GLIS1: variants seen among roughly 807,000 people sequenced by gnomAD.
GLIS1 encodes the protein zinc finger protein GLIS1.
A neutral mutation model predicts 63.8 loss-of-function variants in GLIS1; 24 were observed. The observed-to-expected ratio is 0.38, with a 90% CI of 0.27 to 0.53. GLIS1 has a LOEUF of 0.53. Ranked by LOEUF, GLIS1 falls within the 20% of genes least tolerant of loss-of-function variation. The pLI is 0.85. For missense variants in GLIS1, 1,036 were observed against 1,074.1 expected (o/e 0.96, Z 0.50); for synonymous variants, 450 against 482.5 (o/e 0.93, Z 0.88).
chr1:53,655,473 G>A (rs907298606), intron 2 of GLIS1, among the ~76,000 whole-genome samples: 29 of 152,162 alleles, frequency 1.9e-4, no homozygotes, highest in African/African-American at 6.8e-4. Flanking sequence ...TTCCTCATTT[G>A]TAAAAACCAC....
chr1:53,509,815 G>C, intron 9 of GLIS1, 34 bp downstream of exon 9: 1 of 1,244,554 alleles, frequency 8.0e-7, no homozygotes, highest in Non-Finnish European at 1.0e-6. Context: ...GGAATTGGGG[G>C]GTTATACGGA....
chr1:53,564,894 A>C (rs1569837390), intron 4 of GLIS1, among the ~76,000 whole-genome samples: 2 of 152,024 alleles, frequency 1.3e-5, no homozygotes, highest in South Asian at 2.1e-4. Context: ...CTAACACATT[A>C]AACAAAGAAA....
In GLIS1 at chr1:53,526,967, T is replaced by C. The variant is rs1644476870; in HGVS notation, c.1483-2080A>G. On this transcript the variant is annotated intron_variant, in intron 5 of 10. Coordinates refer to ENST00000628545, the MANE Select transcript of GLIS1 (RefSeq NM_001367484.1). This position sits in a 1 kb window ranked among gnomAD's most constrained non-coding sequence, Gnocchi z 4.4. The stretch of plus-strand genomic sequence containing the variant: ...GTAATGAGGACGCTCCGGGTGAGTC[T>C]GCCGTGCGGAGCCCCTGCCCGTCTG... 6.6e-6 allele frequency among the ~76,000 whole-genome samples: 1 copy of C among 152,194 alleles called. No individual in the cohort carries two copies. Among genetic ancestry groups the C allele is most frequent in the African/African-American group, 2.4e-5 (1 of 41,454 alleles).
At chr1:53,527,039 G>A (rs1315683307) in intron 5 of GLIS1, among the ~76,000 whole-genome samples, 2 of 152,176 alleles carry the variant, frequency 1.3e-5, no homozygotes, top group African/African-American at 2.4e-5. Flanking sequence ...TGCAGGCCCC[G>A]TGCTGAGCAC....
chr1:53,527,842 G>A (rs1024794063), intron 5 of GLIS1, among the ~76,000 whole-genome samples: 1 of 152,180 alleles, frequency 6.6e-6, no homozygotes, highest in Non-Finnish European at 1.5e-5. Flanking sequence ...TTGGGGAGAC[G>A]AAGGCCTGAG....
At position 53,594,939 on chromosome 1, in the gene GLIS1, T is replaced by C; in HGVS notation, c.489A>G (p.Gln163=). 1 of 1,483,666 alleles carries C rather than the reference T, an allele frequency of 6.7e-7. No homozygotes were observed. Among genetic ancestry groups the C allele is most frequent in the Non-Finnish European group, 8.9e-7 (1 of 1,124,616 alleles). The allele number at this position is 1,483,666 out of a possible 1,614,324, so 91.9% of individuals were successfully genotyped here. A position where few individuals can be genotyped will look rare whatever the true frequency, so the allele number is the denominator to read the frequency against. ...CGGGCAAGGACTCCTGTTTGATGTG[T>C]TGTGTGGTTGGGAGGCTGCCGTTCA... ...TYVNGSLPTT[Q]HIKQESLPDY... is the part of the protein sequence containing the mutation. Residue 163 remains glutamine (Q), a synonymous_variant, in exon 4 of 11, where the codon CAA becomes CAG. Coordinates refer to ENST00000628545, the MANE Select transcript of GLIS1 (RefSeq NM_001367484.1).
chr1:53,555,066 C>T (rs973993928), intron 4 of GLIS1, among the ~76,000 whole-genome samples: 1 of 152,192 alleles, frequency 6.6e-6, no homozygotes, highest in Non-Finnish European at 1.5e-5. Context: ...TGGCATGTTT[C>T]AGAAAGAACC....
At chr1:53,670,937 T>C (rs1020774805) in intron 2 of GLIS1, among the ~76,000 whole-genome samples, 2 of 152,244 alleles carry the variant, frequency 1.3e-5, no homozygotes, top group African/African-American at 4.8e-5. Context: ...TGTGTAATTA[T>C]ATCAGGGTGT....
At chr1:53,634,571 G>A (rs1202030665) in intron 2 of GLIS1, among the ~76,000 whole-genome samples, 1 of 152,156 alleles carries the variant, frequency 6.6e-6, no homozygotes, top group African/African-American at 2.4e-5. Flanking sequence ...AGCGAGGAGG[G>A]CCTCACTAGA....
At chr1:53,739,017 C>T (rs1416432995) in intron 1 of GLIS1, among the ~76,000 whole-genome samples, 88 bp downstream of exon 1, 1 of 152,086 alleles carries the variant, frequency 6.6e-6, no homozygotes, top group African/African-American at 2.4e-5. Flanking sequence ...CCCAAGCTGC[C>T]GGGGTTCGAG....
rs116917159 is a variant in GLIS1, at chr1:53,649,601, T to A, written c.260-49323A>T. 2.4e-4 allele frequency among the ~76,000 whole-genome samples: 36 copies of A among 152,344 alleles called. No homozygotes were observed. The East Asian group carries it at 6.9e-3, about 29-fold the overall frequency. ...GCTCCCAAGAAGCAGAGAAAAGTCA[T>A]GACATGACAAGAAAAAGCTGACTTG... On this transcript the variant is annotated intron_variant, in intron 2 of 10. Coordinates refer to ENST00000628545, the MANE Select transcript of GLIS1 (RefSeq NM_001367484.1).
chr1:53,595,425 T>C (rs2950253), intron 3 of GLIS1, among the ~76,000 whole-genome samples: 13,946 of 151,932 alleles, frequency 0.092, 1,503 homozygotes, highest in East Asian at 0.39. Context: ...GAGGCTGAGG[T>C]AGGAGGATTG....
At chr1:53,525,475 C>CTGGGGAGGT in intron 5 of GLIS1, among the ~76,000 whole-genome samples, 1 of 126,134 alleles carries the variant, frequency 7.9e-6, no homozygotes, top group Non-Finnish European at 1.7e-5. Context: ...GCTGGGGAGG[C>CTGGGGAGGT]TGGGGAGTCT....
intron 4 of GLIS1, among the ~76,000 whole-genome samples, chr1:53,570,443 T>C (rs1384916729): frequency 6.6e-6 from 1 of 152,068 alleles, no homozygotes; most frequent in African/African-American, 2.4e-5. Flanking sequence ...TTAAAGTTGA[T>C]TCCAAAATAC....
rs558635397 is a variant in GLIS1 at position 53,515,530 on chromosome 1, C to T, written c.1727-749G>A. The stretch of plus-strand genomic sequence containing the variant: ...CCTCATTCTAGTCTCAGATTCTAAA[C>T]CTTCAGAAGACACCTGCAGGGTGAT... On this transcript the variant is annotated intron_variant, in intron 7 of 10. Coordinates refer to ENST00000628545, the MANE Select transcript of GLIS1 (RefSeq NM_001367484.1). 2.0e-5 allele frequency among the ~76,000 whole-genome samples: 3 copies of T among 152,126 alleles called. No homozygotes were observed. The East Asian group carries it at 5.8e-4, about 29-fold the overall frequency.
intron 2 of GLIS1, among the ~76,000 whole-genome samples, chr1:53,714,035 C>T (rs1271253104): frequency 6.6e-6 from 1 of 152,172 alleles, no homozygotes; most frequent in African/African-American, 2.4e-5. Context: ...TCCACTTTCT[C>T]CAACCTCCCC....
intron 4 of GLIS1, among the ~76,000 whole-genome samples, chr1:53,592,151 G>T (rs1440797967): frequency 6.6e-6 from 1 of 152,098 alleles, no homozygotes; most frequent in Non-Finnish European, 1.5e-5. Context: ...CAGCCTGGCC[G>T]CAGAGAGAGA....
At chr1:53,734,061 C>CCT in intron 2 of GLIS1, 2 of 861,680 alleles carry the variant, frequency 2.3e-6, no homozygotes, top group Non-Finnish European at 1.4e-6. Flanking sequence ...TCTACAATTC[C>CCT]TTTTTTTTTT....
At position 53,639,747 on chromosome 1, in the gene GLIS1, C is replaced by T. The variant is rs924294959; in HGVS notation, c.260-39469G>A. Among the ~76,000 whole-genome samples the T allele has an allele frequency of 6.6e-6, 1 of 152,124 alleles. No homozygotes were observed. Among genetic ancestry groups the T allele is most frequent in the Non-Finnish European group, 1.5e-5 (1 of 68,022 alleles). On this transcript the variant is annotated intron_variant, in intron 2 of 10. Transcript: ENST00000628545. This position sits in a 1 kb window ranked among gnomAD's most constrained non-coding sequence, Gnocchi z 4.6. Reference sequence around the variant, plus strand: ...GGCTTGGGAAGCCAGTCTCAAGGACCAGGAGCACTGCTGTGGGCTTCAATG... The same window carrying T: ...GGCTTGGGAAGCCAGTCTCAAGGACTAGGAGCACTGCTGTGGGCTTCAATG...
Sources: gnomAD v4.1 joint callset for allele counts (sites outside exome capture counted in the v4.1 genomes callset) on GRCh38, gnomAD v4.1.1 for gene constraint, Gnocchi (gnomAD v3.1) non-coding constraint, MANE v1.5 for transcripts, NCBI Gene and HGNC (gene_info 2026-07-23, HGNC 2026-07-21) for gene names.